Variants in RNGTT observed in about 807,000 individuals in gnomAD.
The protein encoded by RNGTT is RNA guanylyltransferase and 5'-phosphatase.
Under a neutral mutation model 79.3 loss-of-function variants are expected in RNGTT, and 33 were observed. That is an observed-to-expected ratio of 0.42 (90% confidence interval 0.32 to 0.56). The LOEUF (loss-of-function observed/expected upper bound fraction) is 0.56. RNGTT is among the 20% of genes least tolerant of loss of function. The pLI is 0.17. For missense variants in RNGTT, 497 were observed against 739.1 expected, an observed-to-expected ratio of 0.67 and a Z score of 3.80; for synonymous variants, 222 against 235.9, an observed-to-expected ratio of 0.94 and a Z score of 0.54.
At position 88,768,764 on chromosome 6, in the gene RNGTT, T is replaced by C. The variant is rs6923356; in HGVS notation, c.1439+1010A>G. On this transcript the variant is annotated intron_variant, in intron 13 of 15. Coordinates refer to ENST00000369485, the MANE Select transcript of RNGTT (RefSeq NM_003800.5). ...CTTAGCCAAGATACTTAAAAAGTTATAGAACAAAAGTGAAATAAAAACAAG... is the reference window on the plus strand; with the variant it reads ...CTTAGCCAAGATACTTAAAAAGTTACAGAACAAAAGTGAAATAAAAACAAG... Among the ~76,000 whole-genome samples the C allele has an allele frequency of 7.7e-3, 1,177 of 152,332 alleles. 8 individuals carry two copies. Among genetic ancestry groups the C allele is most frequent in the African/African-American group, 0.026 (1,089 of 41,580 alleles).
At chr6:88,915,770 A>C (rs922880685) in intron 4 of RNGTT, among the ~76,000 whole-genome samples, 1 of 152,240 alleles carries the variant, frequency 6.6e-6, no homozygotes, top group Non-Finnish European at 1.5e-5. Context: ...CCTAAAATTT[A>C]AATTTAAATT....
intron 12 of RNGTT, among the ~76,000 whole-genome samples, chr6:88,775,958 G>T (rs1013952871): frequency 6.6e-6 from 1 of 152,140 alleles, no homozygotes; most frequent in Non-Finnish European, 1.5e-5. Flanking sequence ...ACATTTAGGT[G>T]GTTTCCATAT....
At chr6:88,892,682 T>A (rs77495437) in intron 6 of RNGTT, among the ~76,000 whole-genome samples, 2 of 152,070 alleles carry the variant, frequency 1.3e-5, no homozygotes, top group Non-Finnish European at 2.9e-5. Context: ...GCTACAGTTC[T>A]TTTAAGGTCC....
intron 13 of RNGTT, among the ~76,000 whole-genome samples, chr6:88,711,992 A>C (rs1776334989): frequency 1.3e-5 from 2 of 152,214 alleles, no homozygotes; most frequent in South Asian, 4.1e-4. Context: ...ATAGAAAGTA[A>C]AACTAAAAAT....
rs531898293 is a variant in RNGTT, at chr6:88,647,715, A to AAAAAAAAAAAAAAAAAAAAAAAAAG, written c.1506+30637_1506+30638insCTTTTTTTTTTTTTTTTTTTTTTTT. ...CGACACCCTGTTAAAAAAAAAAAAA[A>AAAAAAAAAAAAAAAAAAAAAAAAAG]AAGAAGAAGAAGAAAAGAAGGAAGG... is the stretch of plus-strand genomic sequence containing the variant. On this transcript the variant is annotated intron_variant, in intron 14 of 15. Transcript: ENST00000369485. Among the ~76,000 whole-genome samples the AAAAAAAAAAAAAAAAAAAAAAAAAG allele has an allele frequency of 4.0e-4, 57 of 142,452 alleles. 1 individual carries two copies. The highest frequency in any genetic ancestry group is 1.5e-3 in the African/African-American group (51 of 33,090). The allele number at this position is 142,452 out of a possible 152,430, so 93.5% of individuals were successfully genotyped here. A position where few individuals can be genotyped will look rare whatever the true frequency, so the allele number is the denominator to read the frequency against.
chr6:88,894,382 A>G (rs1193532908), intron 6 of RNGTT, among the ~76,000 whole-genome samples: 1 of 152,208 alleles, frequency 6.6e-6, no homozygotes, highest in Non-Finnish European at 1.5e-5. Context: ...AAAGAGAACA[A>G]TCATCCAGGA....
chr6:88,690,166 T>C (rs575745645), intron 13 of RNGTT, among the ~76,000 whole-genome samples: 2 of 152,206 alleles, frequency 1.3e-5, no homozygotes, highest in South Asian at 4.1e-4. Context: ...GACAACTAAA[T>C]GTAATATAGG....
intron 14 of RNGTT, among the ~76,000 whole-genome samples, chr6:88,649,122 A>G (rs1427020247): frequency 6.6e-6 from 1 of 152,106 alleles, no homozygotes; most frequent in African/African-American, 2.4e-5. Context: ...AGTTTCCAAG[A>G]ACCTATCATC....
chr6:88,792,899 T>C (rs2127856938), intron 12 of RNGTT, among the ~76,000 whole-genome samples: 1 of 152,334 alleles, frequency 6.6e-6, no homozygotes, highest in Middle Eastern at 3.4e-3. Flanking sequence ...AATGGATTTA[T>C]GCAAAACTGG....
chr6:88,671,935 T>C (rs945869761), intron 14 of RNGTT, among the ~76,000 whole-genome samples: 2 of 152,048 alleles, frequency 1.3e-5, no homozygotes, highest in African/African-American at 2.4e-5. Context: ...CTGGATCCTC[T>C]TCTCTCACCT....
intron 8 of RNGTT, among the ~76,000 whole-genome samples, chr6:88,855,247 T>G (rs1224596704): frequency 1.3e-5 from 2 of 152,168 alleles, no homozygotes; most frequent in African/African-American, 4.8e-5. Flanking sequence ...AAATATTACA[T>G]GAAGACATGC....
intron 14 of RNGTT, among the ~76,000 whole-genome samples, chr6:88,643,662 A>G (rs1773413161): frequency 6.6e-6 from 1 of 152,242 alleles, no homozygotes; most frequent in African/African-American, 2.4e-5. Context: ...CTCTCAGACC[A>G]CAGTGCAATC....
intron 4 of RNGTT, among the ~76,000 whole-genome samples, chr6:88,907,588 A>G (rs1330692090): frequency 3.3e-5 from 5 of 152,156 alleles, no homozygotes; most frequent in Non-Finnish European, 5.9e-5. Context: ...CTCGAGTAGT[A>G]TCTTTATGTG....
At chr6:88,827,610 C>A (rs913901240) in intron 11 of RNGTT, among the ~76,000 whole-genome samples, 1 of 152,200 alleles carries the variant, frequency 6.6e-6, no homozygotes, top group African/African-American at 2.4e-5. Context: ...AAATCCCACC[C>A]CCATGGAGCC....
intron 14 of RNGTT, among the ~76,000 whole-genome samples, chr6:88,649,615 T>C (rs537583121): frequency 6.6e-6 from 1 of 151,836 alleles, no homozygotes; most frequent in South Asian, 2.1e-4. Context: ...GAGAATGGCG[T>C]GAACCCGGGA....
intron 13 of RNGTT, among the ~76,000 whole-genome samples, chr6:88,766,378 A>G (rs1488847938): frequency 1.3e-5 from 2 of 152,142 alleles, no homozygotes; most frequent in Non-Finnish European, 2.9e-5. Context: ...GCTTTTGACA[A>G]TGACCATGGT....
chr6:88,913,071 G>A (rs2127946693), intron 4 of RNGTT, among the ~76,000 whole-genome samples: 1 of 152,146 alleles, frequency 6.6e-6, no homozygotes, highest in African/African-American at 2.4e-5. Flanking sequence ...CAGGCATGGT[G>A]GCACACGCCT....
intron 14 of RNGTT, among the ~76,000 whole-genome samples, chr6:88,639,750 T>C (rs1381043014): frequency 6.6e-6 from 1 of 152,210 alleles, no homozygotes; most frequent in Admixed American, 6.5e-5. Context: ...GAATGAATGA[T>C]TAATGATGAC....
At chr6:88,899,562 G>A (rs1258256297) in intron 6 of RNGTT, among the ~76,000 whole-genome samples, 1 of 151,894 alleles carries the variant, frequency 6.6e-6, no homozygotes, top group Non-Finnish European at 1.5e-5. Flanking sequence ...ACAGGTGTGA[G>A]CAACTGCACC....
Sources: allele counts gnomAD v4.1 joint callset (sites outside exome capture counted in the v4.1 genomes callset), GRCh38; gene constraint gnomAD v4.1.1; transcripts MANE v1.5; gene names NCBI Gene and HGNC (gene_info 2026-07-23, HGNC 2026-07-21).